Variants in UTRN observed in about 807,000 individuals in gnomAD.
UTRN encodes the protein dystrophin-related protein 1.
Under a neutral mutation model 463.9 loss-of-function variants are expected in UTRN, and 283 were observed. The ratio of observed to expected loss-of-function variants is 0.61; its 90% CI spans 0.55 to 0.67. The LOEUF is 0.67. Ranked by LOEUF, UTRN falls within the 30% of genes least tolerant of loss-of-function variation. The pLI is 0.00. For synonymous variants in UTRN, 1,442 were observed against 1,431.5 expected, an observed-to-expected ratio of 1.01 and a Z score of -0.17; for missense variants, 3,922 against 4,084.3, an observed-to-expected ratio of 0.96 and a Z score of 1.08.
chr6:144,809,526 T>G (rs573859241), intron 65 of UTRN, among the ~76,000 whole-genome samples: 1 of 152,232 alleles, frequency 6.6e-6, no homozygotes, highest in South Asian at 2.1e-4. Context: ...GGTTTATTTA[T>G]AATATAAGAA....
chr6:144,596,593 T>G (rs1008441033), intron 51 of UTRN, among the ~76,000 whole-genome samples: 1 of 152,218 alleles, frequency 6.6e-6, no homozygotes, highest in African/African-American at 2.4e-5. Context: ...ACTATTGACA[T>G]CAAATGAATC....
At chr6:144,722,886 C>T (rs1031203991) in intron 53 of UTRN, among the ~76,000 whole-genome samples, 2 of 152,172 alleles carry the variant, frequency 1.3e-5, no homozygotes, top group Non-Finnish European at 2.9e-5. Context: ...TATAACCTCA[C>T]TAGTAATCCC....
intron 51 of UTRN, among the ~76,000 whole-genome samples, chr6:144,620,279 C>T (rs1349154908): frequency 6.6e-6 from 1 of 152,238 alleles, no homozygotes; most frequent in South Asian, 2.1e-4. Context: ...TTATTGGCTA[C>T]TATGTTTTTG....
At chr6:144,592,097 T>C (rs1803136439) in intron 51 of UTRN, among the ~76,000 whole-genome samples, 1 of 152,136 alleles carries the variant, frequency 6.6e-6, no homozygotes, top group Non-Finnish European at 1.5e-5. Context: ...TTACACATCG[T>C]GAATGCTTTG....
intron 51 of UTRN, among the ~76,000 whole-genome samples, chr6:144,626,277 G>T (rs1775932047): frequency 1.3e-5 from 2 of 152,050 alleles, no homozygotes; most frequent in Admixed American, 6.6e-5. Flanking sequence ...CTTATCACAG[G>T]GTCAGTAATA....
rs771995482 is a variant in UTRN, at chr6:144,451,445, A to G, written c.2148A>G (p.Lys716=). ...CTGCCATTCAGACCACAGAGATAAA[A>G]GAGTATATGAAGATGCAAGACACTT... ...WKTAIQTTEI[K]EYMKMQDTSE... is the part of the protein sequence containing the mutation. Residue 716 remains lysine, a synonymous_variant, in exon 18 of 75, where the codon AAA becomes AAG. Transcript: ENST00000367545. 30 of 1,613,204 alleles carry G rather than the reference A, an allele frequency of 1.9e-5. 1 individual carries two copies. In the East Asian group the frequency reaches 2.2e-4, roughly 12 times the overall value.
At chr6:144,675,458 T>C (rs538656523) in intron 51 of UTRN, among the ~76,000 whole-genome samples, 2 of 152,332 alleles carry the variant, frequency 1.3e-5, no homozygotes, top group South Asian at 2.1e-4. Flanking sequence ...GAAGTTGTCA[T>C]GTGAACAGAC....
intron 2 of UTRN, among the ~76,000 whole-genome samples, chr6:144,346,177 C>CA (rs5880590): frequency 0.52 from 67,090 of 128,302 alleles, 18,267 homozygotes; most frequent in Non-Finnish European, 0.63. Flanking sequence ...AACTCTGTCT[C>CA]AAAAAAAAAA....
intron 13 of UTRN, among the ~76,000 whole-genome samples, chr6:144,441,953 G>A (rs1385833002): frequency 1.3e-5 from 2 of 152,154 alleles, no homozygotes; most frequent in Admixed American, 6.6e-5. Flanking sequence ...CAGCTGGGAT[G>A]CAGGGCACCA....
At chr6:144,830,119 T>A (rs986072282) in intron 69 of UTRN, among the ~76,000 whole-genome samples, 1 of 152,194 alleles carries the variant, frequency 6.6e-6, no homozygotes, top group Non-Finnish European at 1.5e-5. Flanking sequence ...AAAATCTTAC[T>A]TCTTTAAAAT....
intron 68 of UTRN, among the ~76,000 whole-genome samples, chr6:144,828,259 T>C (rs180774224): frequency 6.6e-6 from 1 of 152,188 alleles, no homozygotes; most frequent in African/African-American, 2.4e-5. Flanking sequence ...CTTGGACTAA[T>C]GGAATAATAT....
chr6:144,316,725 T>C (rs956050618), intron 2 of UTRN, among the ~76,000 whole-genome samples: 6 of 152,334 alleles, frequency 3.9e-5, no homozygotes, highest in African/African-American at 1.4e-4. Context: ...GTGTTGGGCC[T>C]TTCAAATATA....
intron 2 of UTRN, among the ~76,000 whole-genome samples, chr6:144,393,723 G>T (rs1252657758): frequency 6.6e-6 from 1 of 152,122 alleles, no homozygotes; most frequent in Non-Finnish European, 1.5e-5. Context: ...AAGGAGGTGG[G>T]TTCTGAAAAT....
At chr6:144,482,629 G>T (rs547017346) in intron 27 of UTRN, among the ~76,000 whole-genome samples, 1 of 152,148 alleles carries the variant, frequency 6.6e-6, no homozygotes, top group South Asian at 2.1e-4. Flanking sequence ...TTATCAGAAG[G>T]TTCTTGGGCA....
rs575221446 is a variant in UTRN at position 144,583,195 on chromosome 6, C to G, written c.7479+5907C>G. 33 of 309,106 alleles carry G rather than the reference C, an allele frequency of 1.1e-4. No homozygotes were observed. The East Asian group carries it at 1.6e-3, about 15-fold the overall frequency. The allele number at this position is 309,106 out of a possible 1,614,324, so 19.1% of individuals were successfully genotyped here. Reference sequence around the variant, plus strand: ...CGCACTCCTCTCCCGCAGCCGGCAGCGCTTGGCTGCTCGACAACTTCCTTC... The same window carrying G: ...CGCACTCCTCTCCCGCAGCCGGCAGGGCTTGGCTGCTCGACAACTTCCTTC... On this transcript the variant is annotated intron_variant, in intron 51 of 74. Transcript: ENST00000367545.
At chr6:144,805,667 C>T (rs1038987278) in intron 65 of UTRN, among the ~76,000 whole-genome samples, 4 of 149,908 alleles carry the variant, frequency 2.7e-5, no homozygotes, top group South Asian at 2.1e-4. Context: ...TTAAGACTTC[C>T]GAGTTGGCAA....
At chr6:144,475,984 G>A (rs1456283362) in intron 25 of UTRN, among the ~76,000 whole-genome samples, 1 of 151,600 alleles carries the variant, frequency 6.6e-6, no homozygotes, top group Admixed American at 6.6e-5. Flanking sequence ...GCTGAGGTGG[G>A]AGGATGGCTT....
chr6:144,631,228 A>T (rs1037296042), intron 51 of UTRN, among the ~76,000 whole-genome samples: 167 of 121,344 alleles, frequency 1.4e-3, no homozygotes, highest in African/African-American at 2.8e-3. Context: ...TGTGTGTGTG[A>T]GAGAGAGAGG....
At chr6:144,747,030 A>G (rs1790825597) in intron 54 of UTRN, among the ~76,000 whole-genome samples, 1 of 152,224 alleles carries the variant, frequency 6.6e-6, no homozygotes, top group Admixed American at 6.5e-5. Context: ...TAATATTTAA[A>G]TAAAGCAGGC....
Sources: gnomAD v4.1 joint callset for allele counts (sites outside exome capture counted in the v4.1 genomes callset) on GRCh38, gnomAD v4.1.1 for gene constraint, MANE v1.5 for transcripts, NCBI Gene and HGNC (gene_info 2026-07-23, HGNC 2026-07-21) for gene names.